PRUNE2: variants seen among roughly 807,000 people sequenced by gnomAD.
PRUNE2 encodes the protein prune homolog 2 with BCH domain.
In PRUNE2, 164 loss-of-function variants were observed where a neutral mutation model predicts 252.0. The observed-to-expected ratio is 0.65, with a 90% confidence interval of 0.57 to 0.74. The LOEUF (loss-of-function observed/expected upper bound fraction) is 0.74, where lower values mean the gene tolerates loss of function less well. Ranked by LOEUF, PRUNE2 falls within the 30% of genes least tolerant of loss-of-function variation. The pLI, the probability that PRUNE2 is intolerant of heterozygous loss-of-function variation, is 0.00. For synonymous variants in PRUNE2, 1,292 were observed against 1,350.2 expected (o/e 0.96, Z 0.94); for missense variants, 3,495 against 3,711.0 (o/e 0.94, Z 1.51).
intron 9 of PRUNE2, among the ~76,000 whole-genome samples, chr9:76,702,015 T>TG: frequency 6.6e-6 from 1 of 152,004 alleles, no homozygotes; most frequent in South Asian, 2.1e-4. Context: ...GTGATGTGTA[T>TG]AGTCCTTTAC....
chr9:76,890,687 G>A (rs552077797), intron 1 of PRUNE2, among the ~76,000 whole-genome samples: 124 of 152,028 alleles, frequency 8.2e-4, no homozygotes, highest in African/African-American at 2.6e-3. Context: ...GGCATATACC[G>A]AAGCCTCCCA....
At chr9:76,735,556 A>G (rs1482424055) in intron 6 of PRUNE2, among the ~76,000 whole-genome samples, 1 of 151,966 alleles carries the variant, frequency 6.6e-6, no homozygotes, top group African/African-American at 2.4e-5. Context: ...AGGGAATAGC[A>G]GGAGTAACTG....
chr9:76,678,374 A>AAAGGAAGGAGAAAGGGAAAGGAGGGAGG (rs1314715427), intron 9 of PRUNE2, among the ~76,000 whole-genome samples: 4 of 144,066 alleles, frequency 2.8e-5, no homozygotes, highest in Non-Finnish European at 6.2e-5. Flanking sequence ...AAAAAAAAAA[A>AAAGGAAGGAGAAAGGGAAAGGAGGGAGG]AAGGAAGGAG....
chr9:76,840,847 G>A (rs1051270553), intron 4 of PRUNE2, among the ~76,000 whole-genome samples: 4 of 152,132 alleles, frequency 2.6e-5, no homozygotes, highest in African/African-American at 4.8e-5. Context: ...CGGGCTTTGT[G>A]GCAGGCACCT....
In PRUNE2 at chr9:76,707,306, A is replaced by T; in HGVS notation, c.4968T>A (p.Asn1656Lys). The change falls in exon 8 of 19, where the codon AAT becomes AAA. Residue 1656 changes from asparagine (N) to lysine (K), a missense_variant. By Grantham distance (94) the Asn-to-Lys change is moderately conservative. Coordinates refer to ENST00000376718, the MANE Select transcript of PRUNE2 (RefSeq NM_015225.3). Reference sequence around the variant, plus strand: ...TTTTCTCCTGGTAGCTAGCAATTAGATTGCTTTCCTGATGTGTCCCTGAAT... The same window carrying T: ...TTTTCTCCTGGTAGCTAGCAATTAGTTTGCTTTCCTGATGTGTCCCTGAAT... ...SEHSGTHQES[N>K]LIASYQEKNE... is the part of the protein sequence containing the mutation. 1.2e-6 allele frequency: 2 copies of T among 1,613,908 alleles called. No individual in the cohort carries two copies. Among genetic ancestry groups the T allele is most frequent in the South Asian group, 2.2e-5 (2 of 91,066 alleles).
chr9:76,672,112 T>G (rs943541413), intron 9 of PRUNE2, among the ~76,000 whole-genome samples: 1 of 151,876 alleles, frequency 6.6e-6, no homozygotes, highest in African/African-American at 2.4e-5. Context: ...ACTGGCGAAT[T>G]GGATAAAGAG....
intron 6 of PRUNE2, among the ~76,000 whole-genome samples, chr9:76,749,495 T>C (rs142925607): frequency 6.6e-6 from 1 of 152,356 alleles, no homozygotes; most frequent in East Asian, 1.9e-4. Flanking sequence ...CTCCATGTAC[T>C]GATTTGTAGT....
At chr9:76,679,000 T>C (rs2043123210) in intron 9 of PRUNE2, among the ~76,000 whole-genome samples, 1 of 152,148 alleles carries the variant, frequency 6.6e-6, no homozygotes, top group African/African-American at 2.4e-5. Flanking sequence ...GTATTTTTAT[T>C]CCAGAAAGCC....
chr9:76,766,360 C>T (rs978066285), intron 6 of PRUNE2, among the ~76,000 whole-genome samples: 3 of 151,934 alleles, frequency 2.0e-5, no homozygotes, highest in African/African-American at 7.3e-5. Flanking sequence ...TGGCTGTGTG[C>T]CTTGTGGGAG....
chr9:76,759,206 T>C (rs2130679019), intron 6 of PRUNE2: 1 of 152,312 alleles, frequency 6.6e-6, no homozygotes, highest in East Asian at 1.9e-4. Flanking sequence ...ATGGAAATAG[T>C]GCATTTGATG....
chr9:76,832,561 A>G (rs2058726361), intron 4 of PRUNE2, among the ~76,000 whole-genome samples: 2 of 152,136 alleles, frequency 1.3e-5, no homozygotes, highest in South Asian at 4.1e-4. Context: ...GACACTTTAA[A>G]TTGTGAGATT....
intron 9 of PRUNE2, among the ~76,000 whole-genome samples, chr9:76,664,474 TAATC>T (rs1339314649): frequency 6.6e-6 from 1 of 152,194 alleles, no homozygotes; most frequent in Non-Finnish European, 1.5e-5. Context: ...CACTGGGAAA[TAATC>T]AATGTTTGTT....
At chr9:76,703,288 T>C (rs748494210) in intron 9 of PRUNE2, 49 bp downstream of exon 9, 14 of 1,504,404 alleles carry the variant, frequency 9.3e-6, no homozygotes, top group Middle Eastern at 1.8e-4. Flanking sequence ...CCCAGGTTTC[T>C]AAATAAATTG....
chr9:76,892,740 T>G (rs1366273683), intron 1 of PRUNE2, among the ~76,000 whole-genome samples: 2 of 152,236 alleles, frequency 1.3e-5, no homozygotes, highest in South Asian at 4.1e-4. Context: ...AAGGTCATGC[T>G]TCAATGAAAG....
intron 9 of PRUNE2, among the ~76,000 whole-genome samples, chr9:76,659,671 A>T (rs1850539380): frequency 6.6e-6 from 1 of 152,076 alleles, no homozygotes; most frequent in Non-Finnish European, 1.5e-5. Flanking sequence ...ACAAGTTGAG[A>T]ATCCCTACTC....
intron 2 of PRUNE2, 128 bp downstream of exon 2, chr9:76,853,976 T>C (rs1350014108): frequency 5.9e-6 from 3 of 506,696 alleles, no homozygotes; most frequent in Non-Finnish European, 1.1e-5. Flanking sequence ...TAATACTTTA[T>C]ACTCTGCAAC....
At chr9:76,752,978 T>C (rs1418601818) in intron 6 of PRUNE2, among the ~76,000 whole-genome samples, 2 of 152,244 alleles carry the variant, frequency 1.3e-5, no homozygotes, top group African/African-American at 4.8e-5. Context: ...ATTAATGAGA[T>C]ATTTAAACTA....
At chr9:76,866,669 A>C (rs143761432) in intron 1 of PRUNE2, among the ~76,000 whole-genome samples, 98 of 152,126 alleles carry the variant, frequency 6.4e-4, no homozygotes, top group Non-Finnish European at 1.2e-3. Context: ...TTGAAAACTT[A>C]AGTACAAAAA....
chr9:76,744,618 C>A (rs180905254), intron 6 of PRUNE2, among the ~76,000 whole-genome samples: 1 of 152,148 alleles, frequency 6.6e-6, no homozygotes, highest in Non-Finnish European at 1.5e-5. Flanking sequence ...CAAAGGCATA[C>A]CCTTCTATCA....
Sources: gnomAD v4.1 joint callset for allele counts (sites outside exome capture counted in the v4.1 genomes callset) on GRCh38, gnomAD v4.1.1 for gene constraint, MANE v1.5 for transcripts, NCBI Gene and HGNC (gene_info 2026-07-23, HGNC 2026-07-21) for gene names.